The following TAB2 variants were observed in gnomAD, a reference collection of about 807,000 sequenced individuals.
The protein encoded by TAB2 is TGF-beta activated kinase 1 (MAP3K7) binding protein 2.
TAB2 carries 3 observed loss-of-function variants against 65.0 expected under a neutral mutation model. The observed-to-expected ratio is 0.05, with a 90% CI of 0.02 to 0.12. TAB2 has a LOEUF of 0.12. Ranked by LOEUF, TAB2 falls within the 10% of genes least tolerant of loss-of-function variation. The probability of loss-of-function intolerance (pLI) is 1.00; values close to 1 mark genes in which losing one functional copy is unlikely to be tolerated. For synonymous variants in TAB2, 298 were observed against 285.1 expected (o/e 1.05, Z -0.46); for missense variants, 623 against 840.3 (o/e 0.74, Z 3.20).
At chr6:149,325,495 A>T (rs1235894841) in intron 1 of TAB2, among the ~76,000 whole-genome samples, 1 of 152,066 alleles carries the variant, frequency 6.6e-6, no homozygotes, top group Non-Finnish European at 1.5e-5. Flanking sequence ...CATCATCATT[A>T]TTTTTTTAAC....
chr6:149,340,652 C>G (rs1004615379), intron 1 of TAB2, among the ~76,000 whole-genome samples: 14 of 152,022 alleles, frequency 9.2e-5, no homozygotes, highest in African/African-American at 3.1e-4. Context: ...ATTTGATGGT[C>G]TTTAAACTGA....
intron 1 of TAB2, among the ~76,000 whole-genome samples, chr6:149,335,883 A>G (rs1779919306): frequency 6.6e-6 from 1 of 152,096 alleles, no homozygotes; most frequent in Non-Finnish European, 1.5e-5. Flanking sequence ...ACAATATATT[A>G]TGTATATTGT....
At chr6:149,376,947 G>T (rs1481557296) in intron 2 of TAB2, among the ~76,000 whole-genome samples, 1 of 150,798 alleles carries the variant, frequency 6.6e-6, no homozygotes, top group Non-Finnish European at 1.5e-5. Flanking sequence ...ATAGGAGCTA[G>T]TTCTTCTGGA....
intron 1 of TAB2, among the ~76,000 whole-genome samples, chr6:149,311,249 C>CTCTCTGGTCT (rs767911026): frequency 4.3e-4 from 66 of 152,278 alleles, no homozygotes; most frequent in Non-Finnish European, 6.0e-4. Context: ...TCTTTTCTGA[C>CTCTCTGGTCT]TCTCTGGTCT....
intron 1 of TAB2, among the ~76,000 whole-genome samples, chr6:149,242,670 T>C (rs779155569): frequency 1.3e-5 from 2 of 152,208 alleles, no homozygotes; most frequent in Non-Finnish European, 2.9e-5. Flanking sequence ...CTCTTCCTTG[T>C]TGGCAGCCCC....
intron 1 of TAB2, among the ~76,000 whole-genome samples, chr6:149,260,821 A>G (rs1778138846): frequency 6.6e-6 from 1 of 152,204 alleles, no homozygotes; most frequent in Non-Finnish European, 1.5e-5. Context: ...CCTGTAGTTG[A>G]GTTATGAACT....
intron 6 of TAB2, 56 bp from the exon 7 acceptor site, chr6:149,409,521 A>G (rs1229791667): frequency 9.1e-6 from 14 of 1,543,150 alleles, no homozygotes; most frequent in South Asian, 1.1e-5. Flanking sequence ...AGTTGCCTGT[A>G]ATTTTTTAGA....
chr6:149,244,353 G>C (rs1777659087), intron 1 of TAB2: 1 of 152,322 alleles, frequency 6.6e-6, no homozygotes, highest in African/African-American at 2.4e-5. Context: ...GGTGGCGGTG[G>C]AGGGTGGGTG....
chr6:149,400,390 C>T (rs1180972119), intron 6 of TAB2: 1 of 1,613,800 alleles, frequency 6.2e-7, no homozygotes, highest in Admixed American at 1.7e-5. Context: ...CCGGTGTTCA[C>T]CATGGCCAAC....
chr6:149,313,662 C>T (rs1224541246), upstream of TAB2, among the ~76,000 whole-genome samples: 2 of 152,188 alleles, frequency 1.3e-5, no homozygotes, highest in African/African-American at 4.8e-5. Flanking sequence ...CCCATAACTT[C>T]TTCTCTTCTC....
At chr6:149,403,289 CACACACAT>C (rs1404810741) in intron 6 of TAB2, among the ~76,000 whole-genome samples, 838 of 32,488 alleles carry the variant, frequency 0.026, 64 homozygotes, top group African/African-American at 0.11. Flanking sequence ...TATATACACA[CACACACAT>C]ATATATATAT....
At chr6:149,230,346 C>G (rs1777377603) in intron 1 of TAB2, among the ~76,000 whole-genome samples, 1 of 152,224 alleles carries the variant, frequency 6.6e-6, no homozygotes, top group South Asian at 2.1e-4. Flanking sequence ...CCTCTGCACT[C>G]ATCTTAGAAG....
chr6:149,355,542 A>G (rs188361359), intron 1 of TAB2, among the ~76,000 whole-genome samples: 107 of 151,784 alleles, frequency 7.0e-4, no homozygotes, highest in Non-Finnish European at 5.6e-4. Context: ...TGGCAGGGAC[A>G]TGTAATCCCA....
intron 1 of TAB2, among the ~76,000 whole-genome samples, chr6:149,322,456 G>C (rs1184759190): frequency 6.6e-6 from 1 of 152,088 alleles, no homozygotes; most frequent in Non-Finnish European, 1.5e-5. Context: ...AAGTTACAGA[G>C]TTTCAACAGC....
intron 1 of TAB2, among the ~76,000 whole-genome samples, chr6:149,277,033 C>A (rs1778489010): frequency 6.6e-6 from 1 of 152,176 alleles, no homozygotes; most frequent in Non-Finnish European, 1.5e-5. Flanking sequence ...TCACTTGGCT[C>A]TCATTCTCTC....
intron 6 of TAB2, among the ~76,000 whole-genome samples, chr6:149,400,009 C>T (rs904451546): frequency 3.9e-5 from 6 of 152,090 alleles, no homozygotes; most frequent in African/African-American, 7.2e-5. Context: ...AAGTAAATCA[C>T]GATTAAACGT....
At chr6:149,257,923 T>C (rs1376163991) in intron 1 of TAB2, among the ~76,000 whole-genome samples, 1 of 152,140 alleles carries the variant, frequency 6.6e-6, no homozygotes, top group Non-Finnish European at 1.5e-5. Flanking sequence ...AAAAAAATGC[T>C]AGACAGAGAG....
At chr6:149,312,113 T>C (rs1779175631) in intron 1 of TAB2, among the ~76,000 whole-genome samples, 1 of 152,248 alleles carries the variant, frequency 6.6e-6, no homozygotes, top group Non-Finnish European at 1.5e-5. Context: ...ACAGGACTGC[T>C]GATTTCTCAT....
intron 1 of TAB2, among the ~76,000 whole-genome samples, chr6:149,282,791 T>C (rs902419575): frequency 6.6e-6 from 1 of 152,210 alleles, no homozygotes; most frequent in African/African-American, 2.4e-5. Context: ...TTGAGTCACA[T>C]GAATTCGTCA....
Sources: allele counts gnomAD v4.1 joint callset (sites outside exome capture counted in the v4.1 genomes callset), GRCh38; gene constraint gnomAD v4.1.1; transcripts MANE v1.5; gene names NCBI Gene and HGNC (gene_info 2026-07-23, HGNC 2026-07-21).